The following ROBO1 variants were observed in gnomAD, a reference collection of about 807,000 sequenced individuals.
The protein encoded by ROBO1 is roundabout guidance receptor 1.
Under a neutral mutation model 195.9 loss-of-function variants are expected in ROBO1, and 149 were observed. That is an observed-to-expected ratio of 0.76 (90% CI 0.67 to 0.87). ROBO1 has a LOEUF of 0.87. Ranked by LOEUF, ROBO1 falls within the 40% of genes least tolerant of loss-of-function variation. The probability of loss-of-function intolerance (pLI) is 0.00; values close to 1 mark genes in which losing one functional copy is unlikely to be tolerated. For synonymous variants in ROBO1, 816 were observed against 733.2 expected, an observed-to-expected ratio of 1.11 and a Z score of -1.82; for missense variants, 1,933 against 2,068.3, an observed-to-expected ratio of 0.93 and a Z score of 1.27.
At chr3:78,621,372 T>A (rs941668485) in intron 26 of ROBO1, among the ~76,000 whole-genome samples, 1 of 152,148 alleles carries the variant, frequency 6.6e-6, no homozygotes, top group African/African-American at 2.4e-5. Context: ...ATTTTGACCA[T>A]CAATAAAGAA....
intron 4 of ROBO1, among the ~76,000 whole-genome samples, chr3:78,916,781 T>G (rs1576395777): frequency 6.6e-6 from 1 of 152,116 alleles, no homozygotes; most frequent in East Asian, 1.9e-4. Flanking sequence ...TCTAGCTTAG[T>G]TCACGTGGGT....
At chr3:79,284,095 T>C (rs1350352365) in intron 2 of ROBO1, among the ~76,000 whole-genome samples, 1 of 152,078 alleles carries the variant, frequency 6.6e-6, no homozygotes, top group Admixed American at 6.6e-5. Context: ...TATGCATGTA[T>C]ATATACATGC....
At chr3:78,760,289 A>C (rs185950964) in intron 4 of ROBO1, among the ~76,000 whole-genome samples, 188 of 152,308 alleles carry the variant, frequency 1.2e-3, no homozygotes, top group African/African-American at 4.2e-3. Flanking sequence ...ACGAATACAC[A>C]TGCCTATATA....
chr3:79,516,932 C>T (rs1027994485), intron 2 of ROBO1, among the ~76,000 whole-genome samples: 8 of 152,106 alleles, frequency 5.3e-5, no homozygotes, highest in South Asian at 2.1e-4. Flanking sequence ...TTTATACTCC[C>T]GTAAGCACAT....
intron 2 of ROBO1, among the ~76,000 whole-genome samples, chr3:79,137,739 C>G (rs1336082548): frequency 6.6e-6 from 1 of 151,956 alleles, no homozygotes; most frequent in Admixed American, 6.6e-5. Context: ...AAATTTGATT[C>G]CAAATTATTT....
chr3:79,677,456 A>C (rs1946817374), intron 1 of ROBO1, among the ~76,000 whole-genome samples: 2 of 151,992 alleles, frequency 1.3e-5, no homozygotes, highest in African/African-American at 4.8e-5. Flanking sequence ...GGTGGCAGGC[A>C]AAGTGAGAGC....
intron 4 of ROBO1, among the ~76,000 whole-genome samples, chr3:78,836,522 A>AAAAAAAT (rs2032741370): frequency 2.0e-5 from 3 of 151,544 alleles, no homozygotes; most frequent in Admixed American, 2.0e-4. Context: ...CAAAAAAAAA[A>AAAAAAAT]ATTATTCAAA....
At chr3:78,851,655 T>C (rs774490173) in intron 4 of ROBO1, among the ~76,000 whole-genome samples, 7 of 152,206 alleles carry the variant, frequency 4.6e-5, no homozygotes, top group Non-Finnish European at 8.8e-5. Flanking sequence ...TGAAAGCAGA[T>C]GAAAATATAT....
chr3:78,674,088 G>A (rs1167806000), intron 10 of ROBO1, among the ~76,000 whole-genome samples: 2 of 151,942 alleles, frequency 1.3e-5, no homozygotes, highest in African/African-American at 2.4e-5. Context: ...AGATGAATAC[G>A]AATGATTTTA....
chr3:79,083,222 G>A lies in ROBO1; in HGVS notation c.172+42234C>T, dbSNP rs1159206355. Reference sequence around the variant, plus strand: ...AACAAACAAACAAAAGTATATTTGCGAAGAGTTACCAGGAAAGAGTTGATA... The same window carrying A: ...AACAAACAAACAAAAGTATATTTGCAAAGAGTTACCAGGAAAGAGTTGATA... On this transcript the variant is annotated intron_variant, in intron 3 of 30. Transcript: ENST00000464233. Among the ~76,000 whole-genome samples the A allele has an allele frequency of 5.3e-5, 8 of 152,066 alleles. No homozygotes were observed. The East Asian group carries it at 7.8e-4, about 15-fold the overall frequency.
At chr3:79,152,640 C>T (rs918687034) in intron 2 of ROBO1, among the ~76,000 whole-genome samples, 2 of 151,664 alleles carry the variant, frequency 1.3e-5, no homozygotes, top group South Asian at 2.1e-4. Flanking sequence ...ATCACAAAAA[C>T]GAATAATATG....
chr3:78,612,049 A>C (rs763231518), intron 28 of ROBO1, among the ~76,000 whole-genome samples: 1 of 152,218 alleles, frequency 6.6e-6, no homozygotes, highest in Non-Finnish European at 1.5e-5. Flanking sequence ...ACTGAGAAGG[A>C]TCATCGCAAA....
At chr3:78,800,710 C>T (rs2108573336) in intron 4 of ROBO1, among the ~76,000 whole-genome samples, 1 of 152,202 alleles carries the variant, frequency 6.6e-6, no homozygotes, top group Middle Eastern at 3.4e-3. Flanking sequence ...GCGCCCACCA[C>T]CATGCCCAGC....
At chr3:79,510,498 A>G (rs547357618) in intron 2 of ROBO1, among the ~76,000 whole-genome samples, 1 of 151,602 alleles carries the variant, frequency 6.6e-6, no homozygotes, top group Non-Finnish European at 1.5e-5. Flanking sequence ...CATCCTTGCA[A>G]TCCACACCAG....
At chr3:79,007,933 C>T (rs1308938222) in intron 3 of ROBO1, among the ~76,000 whole-genome samples, 2 of 152,118 alleles carry the variant, frequency 1.3e-5, no homozygotes, top group Non-Finnish European at 2.9e-5. Context: ...ATGCTCTTTA[C>T]AATACAACGT....
intron 2 of ROBO1, among the ~76,000 whole-genome samples, chr3:79,463,107 C>T (rs1338803776): frequency 6.6e-6 from 1 of 152,184 alleles, no homozygotes; most frequent in Non-Finnish European, 1.5e-5. Context: ...GGCGAGGTGG[C>T]TCACGCCTGT....
intron 2 of ROBO1, among the ~76,000 whole-genome samples, chr3:79,147,502 C>G (rs2080677778): frequency 1.3e-5 from 2 of 151,926 alleles, no homozygotes; most frequent in South Asian, 4.1e-4. Flanking sequence ...TTGTCCCAAG[C>G]TGAAATTAGT....
intron 1 of ROBO1, among the ~76,000 whole-genome samples, chr3:79,724,765 G>T (rs913869669): frequency 3.3e-5 from 5 of 152,222 alleles, no homozygotes; most frequent in African/African-American, 1.2e-4. Context: ...CTGACTCACA[G>T]AAAGTGTGAG....
chr3:78,960,792 ACACACACACAC>A (rs2041298976), intron 3 of ROBO1, among the ~76,000 whole-genome samples: 11 of 137,092 alleles, frequency 8.0e-5, no homozygotes, highest in African/African-American at 2.6e-4. Context: ...ACACACACAC[ACACACACACAC>A]ACACACACAC....
Sources: gnomAD v4.1 joint callset for allele counts (sites outside exome capture counted in the v4.1 genomes callset) on GRCh38, gnomAD v4.1.1 for gene constraint, MANE v1.5 for transcripts, NCBI Gene and HGNC (gene_info 2026-07-23, HGNC 2026-07-21) for gene names.